GPD2: variants seen among roughly 807,000 people sequenced by gnomAD.
GPD2 encodes the protein glycerol-3-phosphate dehydrogenase, mitochondrial.
A neutral mutation model predicts 82.4 loss-of-function variants in GPD2; 54 were observed. That is an observed-to-expected ratio of 0.66 (90% confidence interval 0.53 to 0.82). The LOEUF is 0.82. GPD2 is among the 40% of genes least tolerant of loss of function. The pLI is 0.00. For missense variants in GPD2, 748 were observed against 896.2 expected, an observed-to-expected ratio of 0.83 and a Z score of 2.11; for synonymous variants, 288 against 306.1, an observed-to-expected ratio of 0.94 and a Z score of 0.62.
At chr2:156,552,738 G>A (rs977234584) in intron 8 of GPD2, among the ~76,000 whole-genome samples, 3 of 151,928 alleles carry the variant, frequency 2.0e-5, no homozygotes, top group Non-Finnish European at 4.4e-5. Flanking sequence ...CATTAAAATG[G>A]GCAAACATTC....
chr2:156,560,451 A>T (rs1208031290), intron 9 of GPD2, among the ~76,000 whole-genome samples: 1 of 152,200 alleles, frequency 6.6e-6, no homozygotes, highest in Non-Finnish European at 1.5e-5. Context: ...CCTCCTGGTG[A>T]TCTGGGGACA....
the GPD2 span, among the ~76,000 whole-genome samples, chr2:156,402,571 G>C: frequency 6.6e-6 from 1 of 152,182 alleles, no homozygotes; most frequent in Non-Finnish European, 1.5e-5. Flanking sequence ...CTTTCCAGAG[G>C]TGCTTCAGGG....
chr2:156,433,821 T>A (rs1688351434), upstream of GPD2, among the ~76,000 whole-genome samples: 1 of 152,162 alleles, frequency 6.6e-6, no homozygotes, highest in African/African-American at 2.4e-5. Flanking sequence ...ACATCAGTTA[T>A]ATTCAGGCAC....
intron 9 of GPD2, among the ~76,000 whole-genome samples, chr2:156,564,750 A>G (rs1041097390): frequency 1.3e-5 from 2 of 152,144 alleles, no homozygotes; most frequent in African/African-American, 4.8e-5. Flanking sequence ...TTCATATTTT[A>G]AATAAGGAAA....
chr2:156,488,747 C>G (rs185417206), intron 2 of GPD2, among the ~76,000 whole-genome samples: 450 of 151,788 alleles, frequency 3.0e-3, no homozygotes, highest in Non-Finnish European at 4.8e-3. Flanking sequence ...GCTTTCAGTT[C>G]TTTGTAGGTG....
intron 3 of GPD2, among the ~76,000 whole-genome samples, chr2:156,510,547 A>C (rs1024761979): frequency 1.3e-5 from 2 of 152,172 alleles, no homozygotes; most frequent in African/African-American, 4.8e-5. Context: ...ATGAAATTGC[A>C]CTGTAATATT....
chr2:156,555,060 T>C (rs1030587520), intron 8 of GPD2, among the ~76,000 whole-genome samples: 6 of 152,264 alleles, frequency 3.9e-5, no homozygotes, highest in East Asian at 1.9e-4. Flanking sequence ...TCTCAAACTT[T>C]AGTGTGAACT....
chr2:156,436,161 C>A (rs1688420938), upstream of GPD2, among the ~76,000 whole-genome samples: 1 of 152,202 alleles, frequency 6.6e-6, no homozygotes, highest in South Asian at 2.1e-4. Flanking sequence ...CCCACACCCC[C>A]GCCAACCCCG....
intron 1 of GPD2, among the ~76,000 whole-genome samples, chr2:156,439,974 C>G (rs1033003932): frequency 1.3e-5 from 2 of 152,034 alleles, no homozygotes; most frequent in African/African-American, 4.8e-5. Flanking sequence ...TATTAGTCAT[C>G]AGGGTTGAGA....
chr2:156,450,682 T>TTTA (rs3055086), intron 1 of GPD2, among the ~76,000 whole-genome samples: 1,410 of 112,394 alleles, frequency 0.013, 75 homozygotes, highest in African/African-American at 0.031. Flanking sequence ...TTTTTTTTTT[T>TTTA]ATTGCTCATT....
intron 2 of GPD2, among the ~76,000 whole-genome samples, chr2:156,483,139 CA>C (rs1683798400): frequency 6.6e-6 from 1 of 150,886 alleles, no homozygotes; most frequent in Non-Finnish European, 1.5e-5. Flanking sequence ...AAACAAAAAA[CA>C]AAAATAACAA....
chr2:156,543,198 A>G (rs1686391964), intron 6 of GPD2, among the ~76,000 whole-genome samples: 1 of 152,156 alleles, frequency 6.6e-6, no homozygotes, highest in Non-Finnish European at 1.5e-5. Context: ...TAGAGAGATA[A>G]TAGTCCCCCT....
chr2:156,512,829 C>A (rs188071542), intron 5 of GPD2, among the ~76,000 whole-genome samples: 1 of 152,208 alleles, frequency 6.6e-6, no homozygotes, highest in East Asian at 1.9e-4. Flanking sequence ...CATGAAGTTG[C>A]CTTACATTGG....
chr2:156,533,367 C>A (rs1685938715), intron 6 of GPD2, among the ~76,000 whole-genome samples: 1 of 152,170 alleles, frequency 6.6e-6, no homozygotes, highest in Admixed American at 6.5e-5. Context: ...GAGCATTTGA[C>A]AGCAGTATTT....
At chr2:156,484,819 A>G (rs760062033) in intron 2 of GPD2, among the ~76,000 whole-genome samples, 5 of 152,192 alleles carry the variant, frequency 3.3e-5, no homozygotes, top group Non-Finnish European at 7.3e-5. Flanking sequence ...CAGCCTGGGC[A>G]ACACAGTGAG....
At chr2:156,552,896 T>TC (rs1379556485) in intron 8 of GPD2, among the ~76,000 whole-genome samples, 2 of 130,578 alleles carry the variant, frequency 1.5e-5, no homozygotes, top group African/African-American at 6.7e-5. Flanking sequence ...CCTTATATCT[T>TC]TTTTTTTTTT....
intron 1 of GPD2, among the ~76,000 whole-genome samples, chr2:156,466,149 G>A (rs1167369523): frequency 6.6e-6 from 1 of 152,142 alleles, no homozygotes; most frequent in African/African-American, 2.4e-5. Flanking sequence ...AAGCAAAGAA[G>A]GCAGAGATAG....
chr2:156,423,294 C>A, the GPD2 span, among the ~76,000 whole-genome samples: 1 of 152,086 alleles, frequency 6.6e-6, no homozygotes. Context: ...CAGTTTTTGC[C>A]ATTAAAAGTA....
chr2:156,525,903 A>G (rs890458130), intron 6 of GPD2, among the ~76,000 whole-genome samples: 7 of 152,004 alleles, frequency 4.6e-5, no homozygotes, highest in African/African-American at 1.4e-4. Flanking sequence ...GTTCTGCCCT[A>G]TTCCCTCCTT....
Sources: allele counts gnomAD v4.1 joint callset (sites outside exome capture counted in the v4.1 genomes callset), GRCh38; gene constraint gnomAD v4.1.1; transcripts MANE v1.5; gene names NCBI Gene and HGNC (gene_info 2026-07-23, HGNC 2026-07-21).